NRXN3: variants seen among roughly 807,000 people sequenced by gnomAD.
NRXN3 encodes the protein neurexin 3, also known as neurexin III.
In NRXN3, 32 loss-of-function variants were observed where a neutral mutation model predicts 137.6. The ratio of observed to expected loss-of-function variants is 0.23; its 90% CI spans 0.18 to 0.31. The LOEUF (loss-of-function observed/expected upper bound fraction) is 0.31, where lower values mean the gene tolerates loss of function less well. Ranked by LOEUF, NRXN3 falls within the 10% of genes least tolerant of loss-of-function variation. NRXN3 has a pLI of 1.00. For missense variants in NRXN3, 1,574 were observed against 2,062.5 expected, an observed-to-expected ratio of 0.76 and a Z score of 4.59; for synonymous variants, 798 against 784.5, an observed-to-expected ratio of 1.02 and a Z score of -0.29.
chr14:78,665,782 T>G (rs1384414945), intron 6 of NRXN3, among the ~76,000 whole-genome samples: 1 of 152,142 alleles, frequency 6.6e-6, no homozygotes, highest in East Asian at 1.9e-4. Flanking sequence ...GAGGCGATGG[T>G]GGCCATGGCT....
chr14:79,599,903 G>C (rs10134115), intron 16 of NRXN3, among the ~76,000 whole-genome samples: 341 of 152,354 alleles, frequency 2.2e-3, no homozygotes, highest in African/African-American at 8.0e-3. Flanking sequence ...GCTGAGGCAG[G>C]GGAATCTCTT....
Position 78,737,938 on chromosome 14 carries a change from C to T in NRXN3, c.2044+22799C>T, listed in dbSNP as rs996105511. ...GATTGCTCTGCTCTGTCTATCACTG[C>T]GCGGGGTGGGAGGTAACATCTTGTA... On this transcript the variant is annotated intron_variant, in intron 8 of 20. Coordinates refer to ENST00000335750, the MANE Select transcript of NRXN3 (RefSeq NM_001330195.2). Among the ~76,000 whole-genome samples the T allele has an allele frequency of 3.3e-5, 5 of 152,070 alleles. 1 individual carries two copies. The highest frequency in any genetic ancestry group is 4.2e-4 in the South Asian group (2 of 4,816).
chr14:79,261,109 G>A (rs188646437), intron 15 of NRXN3, among the ~76,000 whole-genome samples: 31 of 152,294 alleles, frequency 2.0e-4, no homozygotes, highest in African/African-American at 7.0e-4. Context: ...GATGTGCTGG[G>A]AAGGGGTGAG....
intron 1 of NRXN3, among the ~76,000 whole-genome samples, chr14:78,211,294 T>G (rs1453728068): frequency 6.6e-6 from 1 of 152,206 alleles, no homozygotes; most frequent in Admixed American, 6.5e-5. Flanking sequence ...GCTAGGCTCT[T>G]GTGGGTGGCA....
At chr14:79,806,780 G>A (rs1490384507) in intron 20 of NRXN3, among the ~76,000 whole-genome samples, 1 of 147,918 alleles carries the variant, frequency 6.8e-6, no homozygotes, top group Non-Finnish European at 1.5e-5. Context: ...CTAACTCCTC[G>A]CGTAATTCAA....
intron 19 of NRXN3, among the ~76,000 whole-genome samples, chr14:79,768,613 A>T (rs1020640593): frequency 6.6e-6 from 1 of 152,134 alleles, no homozygotes. Context: ...CACACCAAAA[A>T]CCCATCTGTA....
intron 6 of NRXN3, among the ~76,000 whole-genome samples, chr14:78,693,656 C>CGTGTGTGTGTGT (rs4016744): frequency 8.8e-5 from 10 of 113,930 alleles, no homozygotes; most frequent in East Asian, 2.7e-4. Flanking sequence ...AGTTGATTTT[C>CGTGTGTGTGTGT]GTGTGTGTGT....
At chr14:79,655,343 T>TTGAC (rs2307553) in intron 16 of NRXN3, among the ~76,000 whole-genome samples, 59,808 of 151,764 alleles carry the variant, frequency 0.39, 16,292 homozygotes, top group African/African-American at 0.78. Context: ...AAGTGGGCAT[T>TTGAC]TGACAGAGTA....
intron 15 of NRXN3, among the ~76,000 whole-genome samples, chr14:79,251,414 A>G (rs1236181136): frequency 6.6e-6 from 1 of 152,204 alleles, no homozygotes; most frequent in African/African-American, 2.4e-5. Context: ...AAATGACTTC[A>G]GAATTTTGAG....
At chr14:79,258,553 A>G (rs142795108) in intron 15 of NRXN3, among the ~76,000 whole-genome samples, 188 of 152,290 alleles carry the variant, frequency 1.2e-3, no homozygotes, top group African/African-American at 4.1e-3. Context: ...CAGTTTCTAC[A>G]AATTCTGGCT....
chr14:79,624,815 T>G (rs1343385850), intron 16 of NRXN3, among the ~76,000 whole-genome samples: 1 of 150,744 alleles, frequency 6.6e-6, no homozygotes, highest in African/African-American at 2.5e-5. Context: ...TTGTTTTTGT[T>G]TTTTTTTAAA....
chr14:79,038,948 T>C (rs2099620730), intron 15 of NRXN3, among the ~76,000 whole-genome samples: 1 of 152,156 alleles, frequency 6.6e-6, no homozygotes, highest in Non-Finnish European at 1.5e-5. Context: ...CCATCTTTAA[T>C]GAGTGTAGGG....
At chr14:79,181,613 G>A (rs1377972990) in intron 15 of NRXN3, among the ~76,000 whole-genome samples, 14 of 150,598 alleles carry the variant, frequency 9.3e-5, no homozygotes, top group East Asian at 5.9e-4. Context: ...CCCAGGAGGC[G>A]GAGGATGCAA....
Position 79,795,896 on chromosome 14 carries a change from C to G in NRXN3, c.4015-9216C>G, listed in dbSNP as rs2099159648. ...TTTACATCTTCTTGAGCTTGCATCT[C>G]TTTCTTAGAGGGAAGGCATGAGGGA... On this transcript the variant is annotated intron_variant, in intron 19 of 20. Transcript: ENST00000335750. Among the ~76,000 whole-genome samples, 3 of 152,008 alleles carry G rather than the reference C, an allele frequency of 2.0e-5. No individual in the cohort carries two copies. The South Asian group carries it at 6.2e-4, about 32-fold the overall frequency.
intron 16 of NRXN3, among the ~76,000 whole-genome samples, chr14:79,609,049 T>C (rs997484663): frequency 1.3e-5 from 2 of 152,116 alleles, no homozygotes; most frequent in African/African-American, 4.8e-5. Flanking sequence ...GAACTGCAAA[T>C]CCGAAGACTT....
chr14:78,619,765 T>C (rs1195235385), intron 4 of NRXN3, among the ~76,000 whole-genome samples: 1 of 152,100 alleles, frequency 6.6e-6, no homozygotes, highest in Non-Finnish European at 1.5e-5. Context: ...CATGCTGAAA[T>C]GTGAGTCAAT....
chr14:79,555,935 C>T (rs927478627), intron 16 of NRXN3, among the ~76,000 whole-genome samples: 3 of 152,152 alleles, frequency 2.0e-5, no homozygotes, highest in Non-Finnish European at 4.4e-5. Context: ...CTGTTTTCTG[C>T]TGCTGTCACT....
In NRXN3 at chr14:78,957,231, A is replaced by T; in HGVS notation, c.2276-11A>T. On this transcript the variant is annotated splice_polypyrimidine_tract_variant and intron_variant, in intron 10 of 20. Coordinates refer to ENST00000335750, the MANE Select transcript of NRXN3 (RefSeq NM_001330195.2). ...ATTGATTCTAACTTTGGCACTTACT[A>T]CCATCCTTAGGCAAAGGACCAGAGA... The T allele has an allele frequency of 6.2e-7, 1 of 1,613,196 alleles. No homozygotes were observed. The highest frequency in any genetic ancestry group is 1.1e-5 in the South Asian group (1 of 90,864).
chr14:78,391,914 G>C (rs975904932), intron 4 of NRXN3, among the ~76,000 whole-genome samples: 1 of 152,090 alleles, frequency 6.6e-6, no homozygotes, highest in Non-Finnish European at 1.5e-5. Context: ...AGGATGAGGT[G>C]TGGTTCTTCC....
Sources: allele counts gnomAD v4.1 joint callset (sites outside exome capture counted in the v4.1 genomes callset), GRCh38; gene constraint gnomAD v4.1.1; transcripts MANE v1.5; gene names NCBI Gene and HGNC (gene_info 2026-07-23, HGNC 2026-07-21).